The following ANK3 variants were observed in gnomAD, a reference collection of about 807,000 sequenced individuals.
The protein encoded by ANK3 is ankyrin-3.
In ANK3, 57 loss-of-function variants were observed where a neutral mutation model predicts 370.9. That is an observed-to-expected ratio of 0.15 (90% CI 0.12 to 0.19). The LOEUF (loss-of-function observed/expected upper bound fraction) is 0.19. Among genes scored for constraint, ANK3 ranks in the 10% least tolerant of loss-of-function variants. The pLI is 1.00. For synonymous variants in ANK3, 1,929 were observed against 1,946.3 expected (o/e 0.99, Z 0.23); for missense variants, 4,439 against 5,302.1 (o/e 0.84, Z 5.06).
chr10:60,371,973 T>C (rs2060163734), intron 1 of ANK3, among the ~76,000 whole-genome samples: 1 of 152,190 alleles, frequency 6.6e-6, no homozygotes, highest in African/African-American at 2.4e-5. Flanking sequence ...GAATATAATT[T>C]CTAAGTGTGA....
At chr10:60,230,744 C>G (rs2097228351) in intron 8 of ANK3, among the ~76,000 whole-genome samples, 1 of 151,994 alleles carries the variant, frequency 6.6e-6, no homozygotes, top group African/African-American at 2.4e-5. Context: ...CAAAAATTAG[C>G]CGGGCGTGGT....
intron 1 of ANK3, among the ~76,000 whole-genome samples, chr10:60,368,774 G>A (rs1354512306): frequency 3.9e-5 from 6 of 152,088 alleles, no homozygotes; most frequent in African/African-American, 4.8e-5. Context: ...CCCCATTCAC[G>A]TACTTCTGAA....
intron 2 of ANK3, among the ~76,000 whole-genome samples, chr10:60,487,714 T>C (rs1410662004): frequency 1.6e-5 from 2 of 125,364 alleles, no homozygotes; most frequent in African/African-American, 3.0e-5. Flanking sequence ...ATTCTGATGA[T>C]GTTGCATTTT....
rs541452069 is a variant in ANK3 at position 60,255,146 on chromosome 10, TA to T, written c.798+6712del. On this transcript the variant is annotated intron_variant, in intron 7 of 43. Transcript: ENST00000280772. ...AGAAGCTGGATAATAAATTATAACT[TA>T]AAAAATCATTATTACTATAAATATC... Among the ~76,000 whole-genome samples, 30 of 152,304 alleles carry T rather than the reference TA, an allele frequency of 2.0e-4. No homozygotes were observed. The East Asian group carries it at 5.0e-3, about 25-fold the overall frequency.
Position 60,068,865 on chromosome 10 carries a change from C to T in ANK3, c.12016G>A (p.Glu4006Lys). 6.2e-7 allele frequency: 1 copy of T among 1,614,138 alleles called. No individual in the cohort carries two copies. Among genetic ancestry groups the T allele is most frequent in the South Asian group, 1.1e-5 (1 of 91,062 alleles). The change falls in exon 37 of 44, where the codon GAG becomes AAG. Residue 4006 changes from glutamate (E) to lysine (K), a missense_variant. Physicochemically the swap from Glu to Lys is moderately conservative, Grantham distance 56. Transcript: ENST00000280772. ...SIEYFKGISG[E>K]TLKLVDRLSE... ...AGGCGGTCCACAAGCTTTAAGGTCT[C>T]ACCACTAATTCCCTTAAAATATTCA...
intron 7 of ANK3, among the ~76,000 whole-genome samples, chr10:60,255,915 G>A (rs2097728019): frequency 1.3e-5 from 2 of 152,162 alleles, no homozygotes; most frequent in African/African-American, 4.8e-5. Flanking sequence ...GTGGTTAAGA[G>A]GCCTGGACTC....
At chr10:60,254,888 T>C (rs182003050) in intron 7 of ANK3, among the ~76,000 whole-genome samples, 2 of 152,274 alleles carry the variant, frequency 1.3e-5, no homozygotes, top group Admixed American at 1.3e-4. Flanking sequence ...AAGAAGTGAT[T>C]TATTCATTCA....
intron 1 of ANK3, among the ~76,000 whole-genome samples, chr10:60,615,437 A>C (rs1280575809): frequency 6.6e-6 from 1 of 152,140 alleles, no homozygotes; most frequent in Non-Finnish European, 1.5e-5. Context: ...ACTACAAAAT[A>C]AAGAAAAGCA....
At chr10:60,333,324 A>G (rs1378816178) in intron 1 of ANK3, among the ~76,000 whole-genome samples, 1 of 141,474 alleles carries the variant, frequency 7.1e-6, no homozygotes, top group African/African-American at 2.7e-5. Flanking sequence ...GACAGGCCCC[A>G]GTGTGTGATG....
intron 25 of ANK3, among the ~76,000 whole-genome samples, chr10:60,126,988 T>C (rs1251761848): frequency 6.6e-6 from 1 of 151,276 alleles, no homozygotes; most frequent in East Asian, 1.9e-4. Context: ...AAGACTGAAA[T>C]TAAATTGCTG....
chr10:60,303,733 C>CTGGG (rs2044326710), intron 1 of ANK3, among the ~76,000 whole-genome samples: 1 of 152,120 alleles, frequency 6.6e-6, no homozygotes, highest in Non-Finnish European at 1.5e-5. Context: ...CACCCCACTA[C>CTGGG]TGGGTATATT....
intron 1 of ANK3, among the ~76,000 whole-genome samples, chr10:60,382,853 A>T (rs72806126): frequency 0.097 from 14,291 of 146,988 alleles, 819 homozygotes; most frequent in Non-Finnish European, 0.12. Flanking sequence ...TTTTTTCAGT[A>T]AATGGATTCT....
At chr10:60,243,268 C>T (rs190189092) in intron 7 of ANK3, among the ~76,000 whole-genome samples, 6 of 152,220 alleles carry the variant, frequency 3.9e-5, no homozygotes, top group Admixed American at 3.3e-4. Flanking sequence ...ATATGCCCCC[C>T]TAATTTTATA....
intron 2 of ANK3, among the ~76,000 whole-genome samples, chr10:60,591,447 A>T (rs746845558): frequency 6.6e-6 from 1 of 151,868 alleles, no homozygotes; most frequent in Non-Finnish European, 1.5e-5. Context: ...TCAAGCAAAT[A>T]TTCTTCAAAT....
rs1329110760 is a variant in ANK3, at chr10:60,469,519, ATGGTGG to A, written c.96+145661_96+145666del. ...TATATATATGGTGGTATATATATAT[ATGGTGG>A]TATATATATATATATGGTGGTGTAT... On this transcript the variant is annotated intron_variant, in intron 2 of 43. Coordinates refer to the ANK3 transcript ENST00000373827. Among the ~76,000 whole-genome samples, 2 of 31,940 alleles carry A rather than the reference ATGGTGG, an allele frequency of 6.3e-5. 1 individual carries two copies. The highest frequency in any genetic ancestry group is 2.0e-4 in the African/African-American group (2 of 9,842). The allele number at this position is 31,940 out of a possible 152,430, so 21.0% of individuals were successfully genotyped here.
At chr10:60,512,328 C>T (rs561772939) in intron 2 of ANK3, among the ~76,000 whole-genome samples, 2 of 151,976 alleles carry the variant, frequency 1.3e-5, no homozygotes, top group Non-Finnish European at 2.9e-5. Context: ...TCAAACAATG[C>T]AAATAATCCT....
At chr10:60,465,878 G>T (rs78287791) in intron 2 of ANK3, among the ~76,000 whole-genome samples, 3 of 147,228 alleles carry the variant, frequency 2.0e-5, no homozygotes, top group African/African-American at 7.6e-5. Flanking sequence ...GTGAAATTAA[G>T]CTCTTTTTCT....
chr10:60,725,813 A>G (rs1182628571), intron 1 of ANK3, among the ~76,000 whole-genome samples: 1 of 152,154 alleles, frequency 6.6e-6, no homozygotes, highest in Admixed American at 6.5e-5. Flanking sequence ...CCCCAAAAAG[A>G]AAGGAGATAA....
intron 10 of ANK3, among the ~76,000 whole-genome samples, chr10:60,206,850 C>T (rs1241992790): frequency 6.6e-6 from 1 of 152,174 alleles, no homozygotes; most frequent in African/African-American, 2.4e-5. Flanking sequence ...CCAGAGTCCA[C>T]TGTAAAAGCT....
Sources: gnomAD v4.1 joint callset for allele counts (sites outside exome capture counted in the v4.1 genomes callset) on GRCh38, gnomAD v4.1.1 for gene constraint, MANE v1.5 for transcripts, NCBI Gene and HGNC (gene_info 2026-07-23, HGNC 2026-07-21) for gene names.